SLC44A3: variants seen among roughly 807,000 people sequenced by gnomAD.
SLC44A3 encodes the protein solute carrier family 44 member 3.
A neutral mutation model predicts 75.4 loss-of-function variants in SLC44A3; 74 were observed. The observed-to-expected ratio is 0.98, with a 90% CI of 0.81 to 1.19. SLC44A3 has a LOEUF of 1.19. Ranked by LOEUF, SLC44A3 falls within the 50% of genes most tolerant of loss-of-function variation. SLC44A3 has a pLI of 0.00. For missense variants in SLC44A3, 700 were observed against 778.6 expected (o/e 0.90, Z 1.20); for synonymous variants, 310 against 296.9 (o/e 1.04, Z -0.45).
In SLC44A3 at chr1:94,837,791, A is replaced by T. The variant is rs151282692; in HGVS notation, c.590A>T (p.Asp197Val). ...CTATTTGCATCTGTTTTGATAAATG[A>T]TGTTGACACCCTCCACCGAATTCTA... Reference protein sequence around the residue: ...YSLFASVLINDVDTLHRILSG... With the variant: ...YSLFASVLINVVDTLHRILSG... The change falls in exon 6 of 15, where the codon GAT (aspartate) becomes GTT (valine). Residue 197 changes from aspartate (D) to valine (V), a missense_variant. Transcript: ENST00000271227. The T allele has an allele frequency of 9.8e-5, 158 of 1,612,730 alleles. No individual in the cohort carries two copies. The highest frequency in any genetic ancestry group is 1.3e-4 in the Non-Finnish European group (154 of 1,179,604).
chr1:94,886,729 A>G lies in SLC44A3; in HGVS notation c.1483-4401A>G, dbSNP rs185750080. Reference sequence around the variant, plus strand: ...GGCGTCCTCATTGTGTTCTTCCCCCAGTGCTTCTCAGCCACTCGGGACAGT... The same window carrying G: ...GGCGTCCTCATTGTGTTCTTCCCCCGGTGCTTCTCAGCCACTCGGGACAGT... On this transcript the variant is annotated intron_variant, in intron 12 of 14. Transcript: ENST00000271227. 3.9e-3 allele frequency among the ~76,000 whole-genome samples: 597 copies of G among 152,160 alleles called. 4 individuals are homozygous for G. Among genetic ancestry groups the G allele is most frequent in the Middle Eastern group, 0.017 (5 of 294 alleles).
intron 12 of SLC44A3, among the ~76,000 whole-genome samples, chr1:94,872,110 A>AT (rs34260146): frequency 7.3e-5 from 11 of 151,212 alleles, no homozygotes; most frequent in Non-Finnish European, 1.3e-4. Context: ...TTTATTTTTT[A>AT]TTTTTTTTGA....
rs777300946 is a variant in SLC44A3, at chr1:94,820,443, G to A, written c.-9G>A. 39 of 1,454,800 alleles carry A rather than the reference G, an allele frequency of 2.7e-5. No individual in the cohort carries two copies. The African/African-American group carries it at 4.4e-4, about 16-fold the overall frequency. 90.1% of individuals were successfully genotyped at this position (1,454,800 alleles called of 1,614,324 possible). A position where few individuals can be genotyped will look rare whatever the true frequency, so the allele number is the denominator to read the frequency against. Reference sequence around the variant, plus strand: ...CTCCCAGTCACCGGCCCCCGCCGGCGAGCGCACGATGCACTGCCTGGGCGC... The same window carrying A: ...CTCCCAGTCACCGGCCCCCGCCGGCAAGCGCACGATGCACTGCCTGGGCGC... On this transcript the variant is annotated 5_prime_UTR_variant, in exon 1 of 15. Coordinates refer to ENST00000271227, the MANE Select transcript of SLC44A3 (RefSeq NM_001114106.3).
intron 8 of SLC44A3, 89 bp from the exon 9 acceptor site, chr1:94,845,189 A>C: frequency 1.5e-6 from 2 of 1,328,998 alleles, no homozygotes; most frequent in South Asian, 3.0e-5. Flanking sequence ...CTGTTTGCTG[A>C]GATGTCATAA....
At position 94,845,342 on chromosome 1, in the gene SLC44A3, A is replaced by G. The variant is rs1208535522; in HGVS notation, c.950A>G (p.Gln317Arg). The change falls in exon 9 of 15, where the codon CAA (glutamine) becomes CGA (arginine). Residue 317 changes from glutamine (Q) to arginine (R), a missense_variant. Physicochemically the swap from Gln to Arg is conservative, Grantham distance 43. Transcript: ENST00000271227. ...KRIKLTVELF[Q>R]ITNKAISSAP... ...ATAAAATTGACAGTTGAGCTTTTCC[A>G]AATCACAAATAAAGCCATCAGCAGT... is the stretch of plus-strand genomic sequence containing the variant. The G allele has an allele frequency of 6.2e-7, 1 of 1,614,032 alleles. No homozygotes were observed. Among genetic ancestry groups the G allele is most frequent in the South Asian group, 1.1e-5 (1 of 91,020 alleles).
chr1:94,846,581 T>C (rs1664438423), intron 9 of SLC44A3, among the ~76,000 whole-genome samples: 1 of 152,274 alleles, frequency 6.6e-6, no homozygotes, highest in Admixed American at 6.5e-5. Flanking sequence ...ATCTACATTC[T>C]GGCACAAGCT....
At chr1:94,888,840 C>T (rs1669899517) in intron 12 of SLC44A3, 6 of 332,278 alleles carry the variant, frequency 1.8e-5, no homozygotes, top group Non-Finnish European at 2.6e-5. Flanking sequence ...AGCGTTTCTC[C>T]TGCCTCAGCC....
chr1:94,888,893 C>CTATA (rs34513886), intron 12 of SLC44A3, among the ~76,000 whole-genome samples: 5,753 of 146,792 alleles, frequency 0.039, 282 homozygotes, highest in African/African-American at 0.11. Context: ...CCACGACTGG[C>CTATA]TATATATATA....
At chr1:94,878,953 A>G (rs1484115511) in intron 12 of SLC44A3, among the ~76,000 whole-genome samples, 1 of 152,216 alleles carries the variant, frequency 6.6e-6, no homozygotes. Flanking sequence ...TAAAAGACCT[A>G]AAACTATAAA....
At chr1:94,848,634 A>G (rs1424083556) in intron 9 of SLC44A3, among the ~76,000 whole-genome samples, 1 of 152,062 alleles carries the variant, frequency 6.6e-6, no homozygotes, top group Non-Finnish European at 1.5e-5. Flanking sequence ...TTAATTCAGA[A>G]GTATTTGGTG....
chr1:94,847,698 G>T (rs955339950), intron 9 of SLC44A3, among the ~76,000 whole-genome samples: 1 of 152,194 alleles, frequency 6.6e-6, no homozygotes, highest in Non-Finnish European at 1.5e-5. Flanking sequence ...TCTAATCTCT[G>T]TACTGGATGC....
intron 5 of SLC44A3, among the ~76,000 whole-genome samples, chr1:94,832,664 C>T (rs1005362819): frequency 6.6e-6 from 1 of 152,268 alleles, no homozygotes; most frequent in East Asian, 1.9e-4. Flanking sequence ...CAGACACTTT[C>T]AATTCAATAA....
chr1:94,871,915 A>G (rs1035103230), intron 12 of SLC44A3, among the ~76,000 whole-genome samples: 2 of 152,202 alleles, frequency 1.3e-5, no homozygotes, highest in Non-Finnish European at 2.9e-5. Context: ...TCAGACATCT[A>G]ACTGCCGAGG....
At chr1:94,854,470 C>A (rs1205659004) in intron 9 of SLC44A3, among the ~76,000 whole-genome samples, 4 of 152,224 alleles carry the variant, frequency 2.6e-5, no homozygotes, top group African/African-American at 9.7e-5. Context: ...CCCATTAACA[C>A]CCATTAGCTA....
At chr1:94,844,500 A>G (rs1370532073) in intron 8 of SLC44A3, among the ~76,000 whole-genome samples, 1 of 152,248 alleles carries the variant, frequency 6.6e-6, no homozygotes, top group African/African-American at 2.4e-5. Context: ...TAGGAGAGCT[A>G]AAAGAAAGAT....
At chr1:94,868,846 G>A (rs1481583971) in intron 12 of SLC44A3, among the ~76,000 whole-genome samples, 1 of 152,232 alleles carries the variant, frequency 6.6e-6, no homozygotes, top group East Asian at 1.9e-4. Context: ...CGGGAATTCA[G>A]GTACTTTCCG....
At chr1:94,864,520 T>C (rs12753965) in intron 10 of SLC44A3, among the ~76,000 whole-genome samples, 1 of 152,248 alleles carries the variant, frequency 6.6e-6, no homozygotes, top group Non-Finnish European at 1.5e-5. Flanking sequence ...TCAATTTTTT[T>C]AAATTTTTTC....
intron 9 of SLC44A3, 24 bp from the exon 10 acceptor site, chr1:94,857,311 G>T (rs763555409): frequency 3.2e-6 from 5 of 1,578,602 alleles, no homozygotes; most frequent in Non-Finnish European, 4.3e-6. Context: ...TTGGTGTAAA[G>T]CATGTTTGTG....
At chr1:94,885,897 A>G (rs1669534603) in intron 12 of SLC44A3, among the ~76,000 whole-genome samples, 1 of 152,360 alleles carries the variant, frequency 6.6e-6, no homozygotes, top group East Asian at 1.9e-4. Context: ...TACTGACTGG[A>G]AAAGAAAAAG....
Sources: gnomAD v4.1 joint callset for allele counts (sites outside exome capture counted in the v4.1 genomes callset) on GRCh38, gnomAD v4.1.1 for gene constraint, MANE v1.5 for transcripts, NCBI Gene and HGNC (gene_info 2026-07-23, HGNC 2026-07-21) for gene names.